TTC28: variants seen among roughly 807,000 people sequenced by gnomAD.
TTC28 encodes the protein tetratricopeptide repeat protein 28.
TTC28 carries 61 observed loss-of-function variants against 198.0 expected under a neutral mutation model. That is an observed-to-expected ratio of 0.31 (90% CI 0.25 to 0.38). The LOEUF is 0.38. Ranked by LOEUF, TTC28 falls within the 10% of genes least tolerant of loss-of-function variation. The pLI, the probability that TTC28 is intolerant of heterozygous loss-of-function variation, is 1.00. For missense variants in TTC28, 2,678 were observed against 3,164.0 expected (o/e 0.85, Z 3.69); for synonymous variants, 1,171 against 1,297.8 (o/e 0.90, Z 2.10).
At position 27,998,638 on chromosome 22, in the gene TTC28, G is replaced by GATC; in HGVS notation, c.5020_5021insGAT (p.Tyr1673_Ser1674insTer). 1 of 1,550,880 alleles carries GATC rather than the reference G, an allele frequency of 6.4e-7. No homozygotes were observed. Among genetic ancestry groups the GATC allele is most frequent in the Non-Finnish European group, 8.7e-7 (1 of 1,147,012 alleles). ...GGCTTTCAGGCCGTTCAGCAGGGAT[G>GATC]AGTAGAAGGCATGGATGAACATCTT... On this transcript the variant is annotated stop_gained, in exon 16 of 23. Transcript: ENST00000397906. LOFTEE classifies it high-confidence loss of function.
chr22:28,039,347 A>C (rs1601547884), intron 12 of TTC28, among the ~76,000 whole-genome samples: 1 of 152,192 alleles, frequency 6.6e-6, no homozygotes, highest in East Asian at 1.9e-4. Context: ...GCCATAAAAA[A>C]GGATGAGTTC....
At chr22:28,348,257 G>A (rs1393199640) in intron 2 of TTC28, among the ~76,000 whole-genome samples, 1 of 152,188 alleles carries the variant, frequency 6.6e-6, no homozygotes, top group African/African-American at 2.4e-5. Flanking sequence ...TCCAGCCATT[G>A]CCCACGTGCA....
intron 3 of TTC28, among the ~76,000 whole-genome samples, chr22:28,300,507 T>C (rs529041082): frequency 5.9e-4 from 90 of 151,586 alleles, no homozygotes; most frequent in Non-Finnish European, 1.0e-3. Flanking sequence ...AAAATGAAAC[T>C]GATGAAAGAG....
At chr22:28,296,161 A>G (rs1394494125) in intron 5 of TTC28, 37 bp downstream of exon 5, 2 of 1,520,206 alleles carry the variant, frequency 1.3e-6, no homozygotes, top group Non-Finnish European at 1.8e-6. Context: ...TTCCAAAAGA[A>G]AAAAAAATGT....
intron 12 of TTC28, among the ~76,000 whole-genome samples, chr22:28,059,565 A>G (rs1392360456): frequency 3.9e-5 from 6 of 152,026 alleles, no homozygotes. Context: ...TGTATCATCT[A>G]TGTTTTACTG....
At chr22:28,374,604 TCTGA>T in intron 2 of TTC28, among the ~76,000 whole-genome samples, 1 of 152,336 alleles carries the variant, frequency 6.6e-6, no homozygotes, top group Non-Finnish European at 1.5e-5. Flanking sequence ...GCTTCTCTTC[TCTGA>T]CTCTGTTTCC....
chr22:28,577,506 T>C (rs942561352), intron 2 of TTC28, among the ~76,000 whole-genome samples: 1 of 151,958 alleles, frequency 6.6e-6, no homozygotes, highest in African/African-American at 2.4e-5. Flanking sequence ...GTAGATGAAG[T>C]CCAATGTTTA....
At chr22:28,087,206 A>C (rs899143926) in intron 12 of TTC28, among the ~76,000 whole-genome samples, 8 of 152,092 alleles carry the variant, frequency 5.3e-5, no homozygotes, top group Middle Eastern at 3.2e-3. Context: ...GAGACAAAAC[A>C]AAAAAAGAGA....
Position 28,051,241 on chromosome 22 carries a change from G to A in TTC28, c.3933-20875C>T, listed in dbSNP as rs73880380. On this transcript the variant is annotated intron_variant, in intron 12 of 22. Coordinates refer to ENST00000397906, the MANE Select transcript of TTC28 (RefSeq NM_001145418.2). Reference sequence around the variant, plus strand: ...GGGAGAGTGTGACTCCCAGGCTCCTGGCAGGAATCACGGAAAGCCTTTGCA... The same window carrying A: ...GGGAGAGTGTGACTCCCAGGCTCCTAGCAGGAATCACGGAAAGCCTTTGCA... 9.0e-3 allele frequency among the ~76,000 whole-genome samples: 1,370 copies of A among 152,272 alleles called. 21 individuals are homozygous for A. Among genetic ancestry groups the A allele is most frequent in the African/African-American group, 0.031 (1,296 of 41,544 alleles).
At chr22:28,149,027 C>T (rs1474207354) in intron 6 of TTC28, among the ~76,000 whole-genome samples, 2 of 152,108 alleles carry the variant, frequency 1.3e-5, no homozygotes, top group Non-Finnish European at 2.9e-5. Context: ...TACTGAGAAA[C>T]GTGTTGTTAG....
At chr22:28,438,377 C>T (rs1173516187) in intron 2 of TTC28, among the ~76,000 whole-genome samples, 1 of 152,200 alleles carries the variant, frequency 6.6e-6, no homozygotes, top group African/African-American at 2.4e-5. Flanking sequence ...ATAATCCTCA[C>T]AAATGAGCTT....
intron 10 of TTC28, 87 bp downstream of exon 10, chr22:28,098,828 G>A (rs934580251): frequency 2.6e-5 from 37 of 1,450,574 alleles, no homozygotes; most frequent in Middle Eastern, 2.3e-4. Flanking sequence ...TTTCTTCACC[G>A]CTGTCACTAA....
intron 5 of TTC28, among the ~76,000 whole-genome samples, chr22:28,170,249 A>G (rs1922523251): frequency 6.6e-6 from 1 of 152,152 alleles, no homozygotes; most frequent in African/African-American, 2.4e-5. Flanking sequence ...GCACTTTGGA[A>G]GGCTGAGGCA....
At chr22:28,511,358 C>A (rs1211439742) in intron 2 of TTC28, among the ~76,000 whole-genome samples, 1 of 152,112 alleles carries the variant, frequency 6.6e-6, no homozygotes, top group Non-Finnish European at 1.5e-5. Flanking sequence ...AGCCTGCACA[C>A]CTACAACCAT....
intron 1 of TTC28, among the ~76,000 whole-genome samples, chr22:28,646,682 T>A (rs2051472776): frequency 6.6e-6 from 1 of 152,164 alleles, no homozygotes; most frequent in South Asian, 2.1e-4. Flanking sequence ...CTGGCCAGCA[T>A]GGCAAAATGC....
At chr22:28,040,992 A>G (rs554190891) in intron 12 of TTC28, among the ~76,000 whole-genome samples, 1 of 152,358 alleles carries the variant, frequency 6.6e-6, no homozygotes, top group Non-Finnish European at 1.5e-5. Flanking sequence ...ATTACTACAA[A>G]GAGAATAAAA....
chr22:28,003,225 G>A lies in TTC28; in HGVS notation c.4219-1672C>T, dbSNP rs1357669253. ...GCTCCATAGGTAAAGGTGGCTCAGGGGGCTGCTCTGGAGGGCAGTGCCACC... is the reference window on the plus strand; with the variant it reads ...GCTCCATAGGTAAAGGTGGCTCAGGAGGCTGCTCTGGAGGGCAGTGCCACC... On this transcript the variant is annotated intron_variant, in intron 14 of 22. Transcript: ENST00000397906. Among the ~76,000 whole-genome samples, 3 of 152,080 alleles carry A rather than the reference G, an allele frequency of 2.0e-5. No individual in the cohort carries two copies. In the East Asian group the frequency reaches 5.8e-4, roughly 29 times the overall value.
chr22:28,014,512 G>A lies in TTC28; in HGVS notation c.4074-120C>T, dbSNP rs1029756375. 44 of 1,142,322 alleles carry A rather than the reference G, an allele frequency of 3.9e-5. No homozygotes were observed. The Admixed American group carries it at 1.1e-3, about 28-fold the overall frequency. 70.8% of individuals were successfully genotyped at this position (1,142,322 alleles called of 1,614,324 possible). On this transcript the variant is annotated intron_variant, in intron 13 of 22. Coordinates refer to ENST00000397906, the MANE Select transcript of TTC28 (RefSeq NM_001145418.2). Reference sequence around the variant, plus strand: ...GCTGAGGCTTCACAGCAGCAACCCCGCCAGCCTCCCTCCCAGCTCCGTTCC... The same window carrying A: ...GCTGAGGCTTCACAGCAGCAACCCCACCAGCCTCCCTCCCAGCTCCGTTCC...
chr22:28,394,755 G>T (rs942261268), intron 2 of TTC28, among the ~76,000 whole-genome samples: 1 of 152,110 alleles, frequency 6.6e-6, no homozygotes, highest in African/African-American at 2.4e-5. Context: ...GTGGTCTCTT[G>T]CTTTGTTTTC....
Sources: allele counts gnomAD v4.1 joint callset (sites outside exome capture counted in the v4.1 genomes callset), GRCh38; gene constraint gnomAD v4.1.1; transcripts MANE v1.5; gene names NCBI Gene and HGNC (gene_info 2026-07-23, HGNC 2026-07-21).